CCDC6: variants seen among roughly 807,000 people sequenced by gnomAD.
CCDC6 encodes the protein coiled-coil domain-containing protein 6.
CCDC6 carries 20 observed loss-of-function variants against 56.6 expected under a neutral mutation model. The ratio of observed to expected loss-of-function variants is 0.35; its 90% CI spans 0.25 to 0.51. The LOEUF (loss-of-function observed/expected upper bound fraction) is 0.51. CCDC6 is among the 20% of genes least tolerant of loss of function. CCDC6 has a pLI of 0.95. For synonymous variants in CCDC6, 241 were observed against 234.4 expected (o/e 1.03, Z -0.26); for missense variants, 367 against 601.1 (o/e 0.61, Z 4.07).
intron 7 of CCDC6, among the ~76,000 whole-genome samples, chr10:59,795,103 AAT>A (rs2070502806): frequency 6.6e-6 from 1 of 152,236 alleles, no homozygotes; most frequent in African/African-American, 2.4e-5. Context: ...AGCAAAAACA[AAT>A]ACGTGGGACT....
intron 1 of CCDC6, among the ~76,000 whole-genome samples, chr10:59,896,428 T>C (rs1475205714): frequency 1.3e-5 from 2 of 152,082 alleles, no homozygotes; most frequent in Non-Finnish European, 2.9e-5. Flanking sequence ...GCACTGCACA[T>C]TTGCTGAGTG....
At chr10:59,882,024 CGCGGGGAGAAGGAAAGGAAAGCCAG>C (rs2071341225) in intron 1 of CCDC6, among the ~76,000 whole-genome samples, 1 of 48,274 alleles carries the variant, frequency 2.1e-5, no homozygotes, top group Non-Finnish European at 3.7e-5. Flanking sequence ...AAAGGAAAGC[CGCGGGGAGAAGGAAAGGAAAGCCAG>C]GGGGAGAAGG....
At chr10:59,825,239 T>C (rs1802444552) in intron 3 of CCDC6, among the ~76,000 whole-genome samples, 1 of 152,226 alleles carries the variant, frequency 6.6e-6, no homozygotes, top group African/African-American at 2.4e-5. Context: ...AATTGAATCA[T>C]AGGGGCAGTT....
chr10:59,886,625 T>C (rs1438661324), intron 1 of CCDC6, among the ~76,000 whole-genome samples: 1 of 152,166 alleles, frequency 6.6e-6, no homozygotes, highest in Non-Finnish European at 1.5e-5. Flanking sequence ...CTGTAGATTA[T>C]AAATGACATC....
chr10:59,880,404 C>A (rs761236854), intron 1 of CCDC6, among the ~76,000 whole-genome samples: 1 of 152,196 alleles, frequency 6.6e-6, no homozygotes, highest in Non-Finnish European at 1.5e-5. Context: ...ATAAATCCCA[C>A]AGACATAATG....
intron 3 of CCDC6, among the ~76,000 whole-genome samples, chr10:59,816,288 C>T (rs547148394): frequency 1.1e-3 from 171 of 152,182 alleles, no homozygotes; most frequent in Non-Finnish European, 2.2e-3. Context: ...AGGTCTCAAA[C>T]AGATGGGAAA....
intron 1 of CCDC6, among the ~76,000 whole-genome samples, chr10:59,861,993 A>G (rs1026028655): frequency 1.3e-5 from 2 of 152,216 alleles, no homozygotes; most frequent in Admixed American, 6.5e-5. Context: ...AATTCAAAAG[A>G]ACAGAAAACA....
At chr10:59,842,985 C>T (rs1024197565) in intron 2 of CCDC6, among the ~76,000 whole-genome samples, 7 of 151,990 alleles carry the variant, frequency 4.6e-5, no homozygotes, top group African/African-American at 1.4e-4. Context: ...GATCTCCCGA[C>T]TTCGTGATCC....
Position 59,860,125 on chromosome 10 carries a change from C to G in CCDC6, c.304-7423G>C, listed in dbSNP as rs1338469679. Among the ~76,000 whole-genome samples the G allele has an allele frequency of 3.3e-5, 5 of 152,130 alleles. No homozygotes were observed. The East Asian group carries it at 7.7e-4, about 23-fold the overall frequency. ...ATACCTCAAGCCACTCTGGGTGGAA[C>G]AGTAAACCCTCCAATCCCAGAGTCC... On this transcript the variant is annotated intron_variant, in intron 1 of 8. Transcript: ENST00000263102.
At position 59,788,840 on chromosome 10, in the gene CCDC6, A is replaced by G. The variant is rs772033417; in HGVS notation, c.*4077T>C. The stretch of plus-strand genomic sequence containing the variant: ...AAGACTAATCAACATAAAGGAGTAA[A>G]TAAGACATTAATTGAAAGTCTTACA... On this transcript the variant is annotated 3_prime_UTR_variant, in exon 9 of 9. Coordinates refer to ENST00000263102, the MANE Select transcript of CCDC6 (RefSeq NM_005436.5). 9.0e-5 allele frequency: 18 copies of G among 199,180 alleles called. No homozygotes were observed. The highest frequency in any genetic ancestry group is 1.5e-4 in the Non-Finnish European group (14 of 96,408). 12.3% of individuals were successfully genotyped at this position (199,180 alleles called of 1,614,324 possible).
chr10:59,866,039 CATA>C (rs1400451699), intron 1 of CCDC6, among the ~76,000 whole-genome samples: 2 of 152,016 alleles, frequency 1.3e-5, no homozygotes, highest in East Asian at 1.9e-4. Flanking sequence ...CCCCACGCCC[CATA>C]ATAAGTTCCC....
At chr10:59,873,756 A>G (rs1317872463) in intron 1 of CCDC6, among the ~76,000 whole-genome samples, 2 of 152,182 alleles carry the variant, frequency 1.3e-5, no homozygotes, top group East Asian at 1.9e-4. Flanking sequence ...AGGTTTTTCA[A>G]TCTTGGTTTC....
chr10:59,876,061 A>G (rs939952256), intron 1 of CCDC6, among the ~76,000 whole-genome samples: 5 of 96,626 alleles, frequency 5.2e-5, no homozygotes, highest in African/African-American at 2.2e-4. Flanking sequence ...ACACGAGTGC[A>G]TGCACAGATG....
chr10:59,876,566 T>C (rs1401888282), intron 1 of CCDC6, among the ~76,000 whole-genome samples: 8 of 138,392 alleles, frequency 5.8e-5, no homozygotes, highest in Non-Finnish European at 1.2e-4. Flanking sequence ...TGCCGTGTTA[T>C]ATAAACTACA....
intron 3 of CCDC6, among the ~76,000 whole-genome samples, chr10:59,829,939 C>T (rs527447761): frequency 2.6e-5 from 4 of 152,230 alleles, no homozygotes; most frequent in Non-Finnish European, 5.9e-5. Context: ...AGAAAGTGAA[C>T]TGGTGAAAGG....
At chr10:59,800,881 T>C (rs567023496) in intron 7 of CCDC6, among the ~76,000 whole-genome samples, 1 of 152,172 alleles carries the variant, frequency 6.6e-6, no homozygotes, top group Non-Finnish European at 1.5e-5. Context: ...TGCTTTGATA[T>C]GGAAATGTAT....
intron 1 of CCDC6, among the ~76,000 whole-genome samples, chr10:59,859,321 C>T (rs377535269): frequency 1.3e-5 from 2 of 151,432 alleles, no homozygotes; most frequent in Non-Finnish European, 2.9e-5. Context: ...ATAGCAGAAA[C>T]AATCTATTTT....
intron 2 of CCDC6, among the ~76,000 whole-genome samples, chr10:59,841,998 T>A (rs2070944095): frequency 6.6e-6 from 1 of 151,254 alleles, no homozygotes; most frequent in African/African-American, 2.4e-5. Context: ...AAGGGAAAGT[T>A]AACTTTTCAC....
rs146567668 is a variant in CCDC6, at chr10:59,815,664, G to A, written c.583-909C>T. ...GAGGACATGTATTCTATCATTCTCC[G>A]TACTTGACATATTAAATAATTAAAA... On this transcript the variant is annotated intron_variant, in intron 3 of 8. Coordinates refer to ENST00000263102, the MANE Select transcript of CCDC6 (RefSeq NM_005436.5). 7.3e-3 allele frequency among the ~76,000 whole-genome samples: 1,104 copies of A among 152,236 alleles called. 5 individuals are homozygous for A. Among genetic ancestry groups the A allele is most frequent in the Non-Finnish European group, 0.012 (849 of 68,018 alleles).
Sources: gnomAD v4.1 joint callset for allele counts (sites outside exome capture counted in the v4.1 genomes callset) on GRCh38, gnomAD v4.1.1 for gene constraint, MANE v1.5 for transcripts, NCBI Gene and HGNC (gene_info 2026-07-23, HGNC 2026-07-21) for gene names.